PCDHA2: variants seen among roughly 807,000 people sequenced by gnomAD.
PCDHA2 encodes protocadherin alpha-2.
PCDHA2 carries 58 observed loss-of-function variants against 66.0 expected under a neutral mutation model. The ratio of observed to expected loss-of-function variants is 0.88; its 90% CI spans 0.71 to 1.09. The LOEUF (loss-of-function observed/expected upper bound fraction) is 1.09, where lower values mean the gene tolerates loss of function less well. Ranked by LOEUF, PCDHA2 falls within the 50% of genes least tolerant of loss-of-function variation. The probability of loss-of-function intolerance (pLI) is 0.00; values close to 1 mark genes in which losing one functional copy is unlikely to be tolerated. For missense variants in PCDHA2, 1,267 were observed against 1,242.3 expected (o/e 1.02, Z -0.30); for synonymous variants, 634 against 554.0 (o/e 1.14, Z -2.03).
At position 140,870,296 on chromosome 5, in the gene PCDHA2, C is replaced by T. The variant is rs782782375; in HGVS notation, c.2388+72944C>T. ...CCCCACGTTCCCTTCAAGCTGGTGTCCACCTTCAAGAATTACTACTCGTTG... is the reference window on the plus strand; with the variant it reads ...CCCCACGTTCCCTTCAAGCTGGTGTTCACCTTCAAGAATTACTACTCGTTG... On this transcript the variant is annotated intron_variant, in intron 1 of 3. Transcript: ENST00000526136. 1.2e-5 allele frequency: 20 copies of T among 1,614,086 alleles called. No homozygotes were observed. In the African/African-American group the frequency reaches 2.3e-4, roughly 18 times the overall value.
Position 141,009,803 on chromosome 5 carries a change from C to G in PCDHA2, c.2713C>G (p.Gln905Glu). 6.2e-7 allele frequency: 1 copy of G among 1,613,968 alleles called. No individual in the cohort carries two copies. The highest frequency in any genetic ancestry group is 8.5e-7 in the Non-Finnish European group (1 of 1,179,994). ...CATCCGGCAGGAGCCTACTAACAGC[C>G]AAATTGACAAAAGTGACTTCATAAC... ...ISIRQEPTNS[Q>E]IDKSDFITFG... Residue 905 changes from glutamine to glutamate, a missense_variant, in exon 4 of 4, where the codon CAA (glutamine) becomes GAA (glutamate). Physicochemically the swap from Gln to Glu is conservative, Grantham distance 29 (BLOSUM62 2). Coordinates refer to ENST00000526136, the MANE Select transcript of PCDHA2 (RefSeq NM_018905.3).
chr5:140,966,864 T>A, intron 1 of PCDHA2: 1 of 1,564,920 alleles, frequency 6.4e-7, no homozygotes. Flanking sequence ...CTGCTGTTGC[T>A]GCTGCTGCTA....
At chr5:140,937,786 T>C (rs246073) in intron 1 of PCDHA2, among the ~76,000 whole-genome samples, 52,378 of 148,788 alleles carry the variant, frequency 0.35, 9,253 homozygotes, top group East Asian at 0.54. Flanking sequence ...GTGGCGGGCG[T>C]ATGTAGTCCC....
At chr5:140,969,385 C>A in intron 1 of PCDHA2, 1 of 1,598,120 alleles carries the variant, frequency 6.3e-7, no homozygotes, top group East Asian at 2.2e-5. Context: ...TTACACATCC[C>A]CCAATATCCT....
intron 3 of PCDHA2, among the ~76,000 whole-genome samples, chr5:140,992,017 CTG>C (rs10602499): frequency 0.14 from 19,772 of 145,244 alleles, 1,405 homozygotes; most frequent in African/African-American, 0.18. Flanking sequence ...AGAGGTGGCT[CTG>C]TGTGTGTGTG....
At chr5:140,876,647 A>T in intron 1 of PCDHA2, 1 of 1,614,178 alleles carries the variant, frequency 6.2e-7, no homozygotes, top group Non-Finnish European at 8.5e-7. Flanking sequence ...CTGACACCTC[A>T]TGTTCCCTTC....
At chr5:140,858,660 TAAC>T in intron 1 of PCDHA2, 1 of 753,410 alleles carries the variant, frequency 1.3e-6, no homozygotes, top group East Asian at 2.7e-5. Flanking sequence ...TTTTTTTAAA[TAAC>T]AATTTATTCT....
intron 1 of PCDHA2, among the ~76,000 whole-genome samples, chr5:140,878,642 A>T (rs868995118): frequency 6.6e-6 from 1 of 152,216 alleles, no homozygotes; most frequent in East Asian, 1.9e-4. Context: ...TTCTATTTCT[A>T]CAAAAATATC....
At chr5:140,828,922 T>G (rs1770031528) in intron 1 of PCDHA2, 3 of 1,614,078 alleles carry the variant, frequency 1.9e-6, no homozygotes, top group African/African-American at 2.7e-5. Context: ...ATGGGGCAAT[T>G]TCATATTCTT....
intron 3 of PCDHA2, among the ~76,000 whole-genome samples, chr5:140,992,500 A>C (rs1205902091): frequency 6.6e-6 from 1 of 152,222 alleles, no homozygotes; most frequent in Non-Finnish European, 1.5e-5. Context: ...GTAAGGATTC[A>C]ATCCTGGGGC....
intron 1 of PCDHA2, chr5:140,859,106 A>G (rs2045724264): frequency 6.7e-6 from 1 of 150,166 alleles, no homozygotes; most frequent in African/African-American, 2.4e-5. Context: ...CACTTAGCAG[A>G]AGAAAATGTA....
chr5:140,966,022 T>G (rs2095958244), intron 1 of PCDHA2, among the ~76,000 whole-genome samples: 1 of 151,842 alleles, frequency 6.6e-6, no homozygotes, highest in South Asian at 2.1e-4. Flanking sequence ...GATGTGGGAG[T>G]CAGGTGAATA....
chr5:140,893,922 G>C (rs1179113151), intron 1 of PCDHA2, among the ~76,000 whole-genome samples: 4 of 152,156 alleles, frequency 2.6e-5, no homozygotes. Context: ...GTCTTTTTCA[G>C]AATCTCTACC....
intron 1 of PCDHA2, chr5:140,823,894 T>G: frequency 6.2e-7 from 1 of 1,613,928 alleles, no homozygotes; most frequent in Non-Finnish European, 8.5e-7. Context: ...CTGTGCGGTG[T>G]CCAGCCTGCT....
Position 140,797,020 on chromosome 5 carries a change from G to A in PCDHA2, c.2056G>A (p.Ala686Thr), listed in dbSNP as rs538442586. Residue 686 changes from alanine (A) to threonine (T), a missense_variant, in exon 1 of 4, where the codon GCC (alanine) becomes ACC (threonine). Transcript: ENST00000526136. ...GGCCTCGTCGCGGGCGTGGGTGGGC[G>A]CCGCGGGCTCAGAGGCTACGCTGGT... ...PKASSRAWVG[A>T]AGSEATLVDV... 7.4e-6 allele frequency: 12 copies of A among 1,613,712 alleles called. No individual in the cohort carries two copies. The East Asian group carries it at 2.5e-4, about 33-fold the overall frequency.
intron 1 of PCDHA2, among the ~76,000 whole-genome samples, chr5:140,918,378 T>C (rs2078665832): frequency 6.6e-6 from 1 of 152,192 alleles, no homozygotes; most frequent in South Asian, 2.1e-4. Flanking sequence ...GGATGCCTTT[T>C]ATTTCTTTCT....
intron 1 of PCDHA2, among the ~76,000 whole-genome samples, chr5:140,826,566 GT>G (rs1768969925): frequency 6.6e-6 from 1 of 152,130 alleles, no homozygotes; most frequent in Non-Finnish European, 1.5e-5. Flanking sequence ...TGAAGGAGGG[GT>G]TTAATCACTT....
At chr5:140,910,925 TA>T (rs2075234137) in intron 1 of PCDHA2, among the ~76,000 whole-genome samples, 2 of 152,226 alleles carry the variant, frequency 1.3e-5, no homozygotes, top group South Asian at 4.2e-4. Flanking sequence ...CTTATATAAA[TA>T]AGAAAGCTCA....
chr5:140,920,692 A>T (rs552577858), intron 1 of PCDHA2, among the ~76,000 whole-genome samples: 7 of 152,114 alleles, frequency 4.6e-5, no homozygotes, highest in Non-Finnish European at 7.4e-5. Flanking sequence ...AAAAATACAA[A>T]CATTAGCTTG....
Sources: allele counts gnomAD v4.1 joint callset (sites outside exome capture counted in the v4.1 genomes callset), GRCh38; gene constraint gnomAD v4.1.1; transcripts MANE v1.5; gene names NCBI Gene and HGNC (gene_info 2026-07-23, HGNC 2026-07-21).